The following SLC24A2 variants were observed in gnomAD, a reference collection of about 807,000 sequenced individuals.
SLC24A2 encodes sodium/potassium/calcium exchanger 2.
A neutral mutation model predicts 62.0 loss-of-function variants in SLC24A2; 36 were observed. The ratio of observed to expected loss-of-function variants is 0.58; its 90% confidence interval spans 0.44 to 0.77. The LOEUF (loss-of-function observed/expected upper bound fraction) is 0.77, where lower values mean the gene tolerates loss of function less well. Ranked by LOEUF, SLC24A2 falls within the 30% of genes least tolerant of loss-of-function variation. The pLI, the probability that SLC24A2 is intolerant of heterozygous loss-of-function variation, is 0.00. For missense variants in SLC24A2, 846 were observed against 817.9 expected (o/e 1.03, Z -0.42); for synonymous variants, 358 against 294.0 (o/e 1.22, Z -2.23).
chr9:19,554,251 G>C (rs1015036913), intron 7 of SLC24A2, among the ~76,000 whole-genome samples: 6 of 152,190 alleles, frequency 3.9e-5, no homozygotes, highest in African/African-American at 9.6e-5. Flanking sequence ...AACACCTGCT[G>C]CTTGGACTTC....
the SLC24A2 span, among the ~76,000 whole-genome samples, chr9:19,818,023 C>A: frequency 3.3e-5 from 5 of 152,154 alleles, no homozygotes; most frequent in African/African-American, 1.2e-4. Flanking sequence ...GCTGGCTTTA[C>A]AGGCATGAGC....
the SLC24A2 span, among the ~76,000 whole-genome samples, chr9:19,984,213 C>CT: frequency 1.7e-4 from 25 of 149,826 alleles, no homozygotes; most frequent in African/African-American, 4.9e-4. Flanking sequence ...ATTCCAATGA[C>CT]TTTTTTTTTT....
chr9:19,740,799 G>A (rs764987777), intron 2 of SLC24A2, among the ~76,000 whole-genome samples: 5 of 151,756 alleles, frequency 3.3e-5, no homozygotes, highest in African/African-American at 4.8e-5. Flanking sequence ...GCTGGGTTAC[G>A]GATACCTGGG....
At chr9:19,645,611 G>A (rs567124624) in intron 2 of SLC24A2, among the ~76,000 whole-genome samples, 26 of 152,294 alleles carry the variant, frequency 1.7e-4, no homozygotes, top group African/African-American at 6.3e-4. Flanking sequence ...TTCCAGGTGA[G>A]TTCCGGTGAC....
chr9:20,304,510 T>C, the SLC24A2 span, among the ~76,000 whole-genome samples: 1 of 152,206 alleles, frequency 6.6e-6, no homozygotes, highest in Non-Finnish European at 1.5e-5. Context: ...CATTGGTATT[T>C]TATATAAAAC....
the SLC24A2 span, among the ~76,000 whole-genome samples, chr9:19,987,412 A>G: frequency 6.6e-6 from 1 of 152,158 alleles, no homozygotes. Context: ...CCTTTTAGTA[A>G]ATTAATTTTT....
intron 2 of SLC24A2, among the ~76,000 whole-genome samples, chr9:19,754,646 ATTTT>A (rs5896863): frequency 0.02 from 2,818 of 143,808 alleles, 37 homozygotes; most frequent in South Asian, 0.03. Context: ...TCATGGGAGG[ATTTT>A]TTTTTTTTTT....
the SLC24A2 span, among the ~76,000 whole-genome samples, chr9:20,276,499 T>G: frequency 1.3e-5 from 2 of 152,200 alleles, no homozygotes; most frequent in East Asian, 3.9e-4. Context: ...TGGGCTGGCA[T>G]TGAGTGTCTG....
chr9:19,588,977 G>C (rs1175800284), intron 5 of SLC24A2, among the ~76,000 whole-genome samples: 1 of 152,104 alleles, frequency 6.6e-6, no homozygotes, highest in Non-Finnish European at 1.5e-5. Context: ...AAAATTTGCT[G>C]TCTGAGGCTC....
the SLC24A2 span, among the ~76,000 whole-genome samples, chr9:19,823,668 C>T: frequency 1.7e-4 from 25 of 150,286 alleles, no homozygotes; most frequent in African/African-American, 3.0e-4. Context: ...ACACATCAGA[C>T]GAGATCAGGA....
Position 19,786,052 on chromosome 9 carries a change from G to C in SLC24A2, c.815C>G (p.Ala272Gly), listed in dbSNP as rs374744918. The C allele has an allele frequency of 6.2e-6, 10 of 1,614,160 alleles. No individual in the cohort carries two copies. In the Admixed American group the frequency reaches 1.7e-4, roughly 27 times the overall value. ...MWWESLLLLT[A>G]YFCYVVFMKF... ...CATGAAAACCACATAGCAAAAATAAGCTGTTAAGAGAAGCAAGCTTTCCCA... is the reference window on the plus strand; with the variant it reads ...CATGAAAACCACATAGCAAAAATAACCTGTTAAGAGAAGCAAGCTTTCCCA... Residue 272 changes from alanine (A) to glycine (G), a missense_variant, in exon 2 of 11, where the codon GCT becomes GGT. By Grantham distance (60) the Ala-to-Gly change is moderately conservative. Transcript: ENST00000341998. This position sits in a 1 kb window ranked among gnomAD's most constrained non-coding sequence, Gnocchi z 5.0.
the SLC24A2 span, among the ~76,000 whole-genome samples, chr9:20,151,610 A>C: frequency 6.6e-6 from 1 of 151,870 alleles, no homozygotes; most frequent in African/African-American, 2.4e-5. Flanking sequence ...CATTTGCCAG[A>C]AAACAGTCAC....
At chr9:19,736,781 G>A (rs117899558) in intron 2 of SLC24A2, among the ~76,000 whole-genome samples, 1,576 of 152,318 alleles carry the variant, frequency 0.01, 33 homozygotes, top group East Asian at 0.097. Context: ...GAGACCAGGA[G>A]TTTAAAATTA....
chr9:20,296,850 T>C, the SLC24A2 span, among the ~76,000 whole-genome samples: 1 of 152,210 alleles, frequency 6.6e-6, no homozygotes, highest in South Asian at 2.1e-4. Context: ...CTCTCATGAC[T>C]GTTGTTAGTA....
At chr9:19,923,012 A>T in the SLC24A2 span, among the ~76,000 whole-genome samples, 1 of 149,894 alleles carries the variant, frequency 6.7e-6, no homozygotes, top group Non-Finnish European at 1.5e-5. Flanking sequence ...TATATATATA[A>T]AACATTTAAT....
chr9:19,837,238 G>A, the SLC24A2 span, among the ~76,000 whole-genome samples: 1 of 151,296 alleles, frequency 6.6e-6, no homozygotes. Context: ...GGATCATGAG[G>A]TCAGGAGATC....
intron 2 of SLC24A2, among the ~76,000 whole-genome samples, chr9:19,726,581 G>C (rs887494524): frequency 2.0e-5 from 3 of 152,168 alleles, no homozygotes; most frequent in African/African-American, 7.2e-5. Flanking sequence ...AAACTGAACA[G>C]AGTATAAAAT....
the SLC24A2 span, among the ~76,000 whole-genome samples, chr9:20,023,300 G>A: frequency 1.4e-4 from 22 of 152,316 alleles, no homozygotes; most frequent in African/African-American, 5.1e-4. Flanking sequence ...GGCTTCCCAT[G>A]CTTGATTTTA....
At chr9:19,976,887 C>T in the SLC24A2 span, among the ~76,000 whole-genome samples, 6 of 151,712 alleles carry the variant, frequency 4.0e-5, no homozygotes, top group African/African-American at 1.2e-4. Context: ...ATCCCTGAGC[C>T]CTAGTCTGGA....
Sources: allele counts gnomAD v4.1 joint callset (sites outside exome capture counted in the v4.1 genomes callset), GRCh38; gene constraint gnomAD v4.1.1; non-coding constraint Gnocchi (gnomAD v3.1); transcripts MANE v1.5; gene names NCBI Gene and HGNC (gene_info 2026-07-23, HGNC 2026-07-21).